Variants in VAV2 observed in about 807,000 individuals in gnomAD.
The protein encoded by VAV2 is guanine nucleotide exchange factor VAV2.
VAV2 carries 67 observed loss-of-function variants against 132.5 expected under a neutral mutation model. That is an observed-to-expected ratio of 0.51 (90% confidence interval 0.42 to 0.62). VAV2 has a LOEUF of 0.62. VAV2 is among the 20% of genes least tolerant of loss of function. The pLI is 0.00. For missense variants in VAV2, 938 were observed against 1,153.6 expected, an observed-to-expected ratio of 0.81 and a Z score of 2.71; for synonymous variants, 492 against 443.5, an observed-to-expected ratio of 1.11 and a Z score of -1.37.
chr9:133,916,940 T>C (rs1840112713), intron 2 of VAV2, among the ~76,000 whole-genome samples: 2 of 152,202 alleles, frequency 1.3e-5, no homozygotes, highest in Admixed American at 1.3e-4. Flanking sequence ...GTCCATCAAA[T>C]GTGAGGATTA....
At chr9:133,896,746 A>G (rs933826045) in intron 2 of VAV2, among the ~76,000 whole-genome samples, 2 of 152,176 alleles carry the variant, frequency 1.3e-5, no homozygotes, top group African/African-American at 4.8e-5. Flanking sequence ...AGAAAAGTTG[A>G]TATTAATATA....
intron 2 of VAV2, among the ~76,000 whole-genome samples, chr9:133,923,584 G>A (rs771552807): frequency 1.7e-4 from 26 of 152,158 alleles, no homozygotes; most frequent in Admixed American, 8.5e-4. Flanking sequence ...AGACTGTGGC[G>A]ATTCCTCAAG....
At chr9:133,965,038 G>A (rs548965556) in intron 1 of VAV2, among the ~76,000 whole-genome samples, 43 of 152,218 alleles carry the variant, frequency 2.8e-4, no homozygotes, top group African/African-American at 9.6e-4. Flanking sequence ...AACTGTCCCT[G>A]TTTGCAGACA....
chr9:133,878,203 T>C (rs555506286), intron 2 of VAV2, among the ~76,000 whole-genome samples: 1 of 152,308 alleles, frequency 6.6e-6, no homozygotes, highest in East Asian at 1.9e-4. Context: ...GCACCTCTGC[T>C]GACATGTGGC....
At chr9:133,948,218 A>G (rs73662350) in intron 1 of VAV2, among the ~76,000 whole-genome samples, 3,561 of 152,338 alleles carry the variant, frequency 0.023, 132 homozygotes, top group African/African-American at 0.082. Context: ...GAGGAGTGTC[A>G]CGAGTTGATT....
Position 133,824,852 on chromosome 9 carries a change from G to A in VAV2, c.449+9420C>T, listed in dbSNP as rs903357360. Reference sequence around the variant, plus strand: ...AGGTGCCTTCCTCTCTCAGAGCCCCGTCTCCTTCCTGTCCAGCGAGAGGGC... The same window carrying A: ...AGGTGCCTTCCTCTCTCAGAGCCCCATCTCCTTCCTGTCCAGCGAGAGGGC... On this transcript the variant is annotated intron_variant, in intron 4 of 29. Coordinates refer to ENST00000371850, the MANE Select transcript of VAV2 (RefSeq NM_001134398.2). This position sits in a 1 kb window ranked among gnomAD's most constrained non-coding sequence, Gnocchi z 5.2. Among the ~76,000 whole-genome samples, 4 of 152,138 alleles carry A rather than the reference G, an allele frequency of 2.6e-5. No individual in the cohort carries two copies. Among genetic ancestry groups the A allele is most frequent in the African/African-American group, 4.8e-5 (2 of 41,560 alleles).
At chr9:133,970,420 C>T (rs1842291300) in intron 1 of VAV2, among the ~76,000 whole-genome samples, 1 of 152,186 alleles carries the variant, frequency 6.6e-6, no homozygotes, top group Admixed American at 6.5e-5. Context: ...ACGAGGCCAC[C>T]GAGGCTCACG....
At chr9:133,793,740 C>T (rs1229810594) in intron 12 of VAV2, among the ~76,000 whole-genome samples, 1 of 152,084 alleles carries the variant, frequency 6.6e-6, no homozygotes, top group African/African-American at 2.4e-5. Context: ...GGAGCTTGGA[C>T]CTAAAACCGC....
intron 2 of VAV2, among the ~76,000 whole-genome samples, chr9:133,899,961 C>T (rs1839372274): frequency 6.7e-6 from 1 of 150,240 alleles, no homozygotes. Context: ...GCGGAGCTTG[C>T]AGTGAGCCGA....
rs890356319 is a variant in VAV2 at position 133,919,178 on chromosome 9, G to A, written c.321+19925C>T. 6.6e-6 allele frequency among the ~76,000 whole-genome samples: 1 copy of A among 151,952 alleles called. No individual in the cohort carries two copies. The highest frequency in any genetic ancestry group is 6.6e-5 in the Admixed American group (1 of 15,248). On this transcript the variant is annotated intron_variant, in intron 2 of 29. Coordinates refer to ENST00000371850, the MANE Select transcript of VAV2 (RefSeq NM_001134398.2). This position sits in a 1 kb window ranked among gnomAD's most constrained non-coding sequence, Gnocchi z 5.8. ...CTGGCTCTGCCCACAGCCTCTCCAC[G>A]CACCCCCTCACTGCTGTGCCCTGGC...
Position 133,780,726 on chromosome 9 carries a change from G to T in VAV2, c.1724-16C>A. The stretch of plus-strand genomic sequence containing the variant: ...GCAGGAGAAGCTGGAAAGGAAGCAG[G>T]TCAGGTGTTAGAGGGGAGGCCACCG... On this transcript the variant is annotated splice_polypyrimidine_tract_variant and intron_variant, in intron 19 of 29. Coordinates refer to ENST00000371850, the MANE Select transcript of VAV2 (RefSeq NM_001134398.2). 1.6e-6 allele frequency: 2 copies of T among 1,273,384 alleles called. No individual in the cohort carries two copies. Among genetic ancestry groups the T allele is most frequent in the Non-Finnish European group, 2.0e-6 (2 of 1,001,444 alleles). 78.9% of individuals were successfully genotyped at this position (1,273,384 alleles called of 1,614,324 possible). A position where few individuals can be genotyped will look rare whatever the true frequency, so the allele number is the denominator to read the frequency against.
intron 2 of VAV2, among the ~76,000 whole-genome samples, chr9:133,936,441 C>A (rs894863112): frequency 6.6e-6 from 1 of 152,084 alleles, no homozygotes; most frequent in African/African-American, 2.4e-5. Flanking sequence ...CAGGGTTTCA[C>A]CGTGTTGCCC....
Position 133,783,600 on chromosome 9 carries a change from G to A in VAV2, c.1635-9C>T, listed in dbSNP as rs532202520. ...CCTGGTAGAAGGTGCCCCTGCACAG[G>A]GGAGGGCAGGAGGTGAGGTCGAGGC... On this transcript the variant is annotated splice_polypyrimidine_tract_variant and intron_variant, in intron 18 of 29. Coordinates refer to ENST00000371850, the MANE Select transcript of VAV2 (RefSeq NM_001134398.2). The A allele has an allele frequency of 6.2e-7, 1 of 1,613,808 alleles. No homozygotes were observed. The highest frequency in any genetic ancestry group is 8.5e-7 in the Non-Finnish European group (1 of 1,179,872).
rs907568936 is a variant in VAV2 at position 133,840,820 on chromosome 9, G to T, written c.381-6480C>A. On this transcript the variant is annotated intron_variant, in intron 3 of 29. Transcript: ENST00000371850. This position sits in a 1 kb window ranked among gnomAD's most constrained non-coding sequence, Gnocchi z 4.5. The stretch of plus-strand genomic sequence containing the variant: ...ACTTCTGTGAAAATCTGCTAGAAAC[G>T]ATGGCGTCTGCAGGGCACCACCTGT... 2.0e-5 allele frequency among the ~76,000 whole-genome samples: 3 copies of T among 152,184 alleles called. No individual in the cohort carries two copies. The highest frequency in any genetic ancestry group is 4.8e-5 in the African/African-American group (2 of 41,434).
At chr9:133,960,127 C>T (rs1173001786) in intron 1 of VAV2, among the ~76,000 whole-genome samples, 3 of 152,146 alleles carry the variant, frequency 2.0e-5, no homozygotes, top group Non-Finnish European at 4.4e-5. Context: ...TTGTTCCACT[C>T]TCTATCAGGA....
At chr9:133,812,310 G>A (rs939329208) in intron 4 of VAV2, 94 bp from the exon 5 acceptor site, 39 of 1,258,238 alleles carry the variant, frequency 3.1e-5, no homozygotes, top group Non-Finnish European at 3.9e-5. Context: ...GGACGCAGGC[G>A]GCTGGGGCCA....
chr9:133,804,827 C>G lies in VAV2; in HGVS notation c.836+1254G>C, dbSNP rs1335275508. ...CCCCGATCCCTGCCCACTCTTAACCCTCTGGGGCTGGCCAGTGTGCTCACA... is the reference window on the plus strand; with the variant it reads ...CCCCGATCCCTGCCCACTCTTAACCGTCTGGGGCTGGCCAGTGTGCTCACA... On this transcript the variant is annotated intron_variant, in intron 9 of 29. Coordinates refer to ENST00000371850, the MANE Select transcript of VAV2 (RefSeq NM_001134398.2). This position sits in a 1 kb window ranked among gnomAD's most constrained non-coding sequence, Gnocchi z 4.5. Among the ~76,000 whole-genome samples the G allele has an allele frequency of 6.6e-6, 1 of 152,194 alleles. No homozygotes were observed. The highest frequency in any genetic ancestry group is 1.5e-5 in the Non-Finnish European group (1 of 68,022).
At chr9:133,783,957 T>A (rs1454038926) in intron 18 of VAV2, among the ~76,000 whole-genome samples, 1 of 142,876 alleles carries the variant, frequency 7.0e-6, no homozygotes, top group Non-Finnish European at 1.5e-5. Flanking sequence ...CACAGCTCAC[T>A]GGAGGCTCAA....
chr9:133,820,572 G>C (rs371290698), intron 4 of VAV2, among the ~76,000 whole-genome samples: 8 of 152,054 alleles, frequency 5.3e-5, no homozygotes, highest in Admixed American at 2.0e-4. Context: ...TGATCCGCCC[G>C]CCTCGGCCTC....
Sources: gnomAD v4.1 joint callset for allele counts (sites outside exome capture counted in the v4.1 genomes callset) on GRCh38, gnomAD v4.1.1 for gene constraint, Gnocchi (gnomAD v3.1) non-coding constraint, MANE v1.5 for transcripts, NCBI Gene and HGNC (gene_info 2026-07-23, HGNC 2026-07-21) for gene names.